The following CENPK variants were observed in gnomAD, a reference collection of about 807,000 sequenced individuals.
CENPK encodes SoxLZ/Sox6-binding protein Solt.
A neutral mutation model predicts 40.9 loss-of-function variants in CENPK; 46 were observed. That is an observed-to-expected ratio of 1.13 (90% CI 0.89 to 1.44). CENPK has a LOEUF of 1.44. CENPK is among the 40% of genes most tolerant of loss of function. The pLI is 0.00. For missense variants in CENPK, 288 were observed against 303.5 expected (o/e 0.95, Z 0.38); for synonymous variants, 107 against 104.4 (o/e 1.02, Z -0.15).
At chr5:65,515,565 G>A (rs1742801557), downstream of CENPK, among the ~76,000 whole-genome samples, 1 of 152,098 alleles carries the variant, frequency 6.6e-6, no homozygotes, top group South Asian at 2.1e-4. Context: ...ATTTTCTCGA[G>A]ACTTCTTTGA....
intron 6 of CENPK, among the ~76,000 whole-genome samples, chr5:65,542,328 A>G (rs1203184999): frequency 6.6e-6 from 1 of 152,350 alleles, no homozygotes; most frequent in African/African-American, 2.4e-5. Flanking sequence ...GTTCTGATGC[A>G]AAAACCGAGT....
At chr5:65,499,993 T>G in the CENPK span, among the ~76,000 whole-genome samples, 5 of 83,104 alleles carry the variant, frequency 6.0e-5, no homozygotes, top group Non-Finnish European at 1.3e-4. Flanking sequence ...ACAAAGGACA[T>G]GAACTCATCA....
chr5:65,529,227 C>T (rs1447878053), intron 6 of CENPK, 28 bp from the exon 7 acceptor site: 4 of 1,467,308 alleles, frequency 2.7e-6, no homozygotes, highest in Non-Finnish European at 3.8e-6. Context: ...AAATTAATTG[C>T]TTGGTCTTTA....
chr5:65,553,357 CA>C (rs112109997), intron 3 of CENPK, among the ~76,000 whole-genome samples: 163 of 133,884 alleles, frequency 1.2e-3, no homozygotes, highest in Non-Finnish European at 1.0e-3. Context: ...GCTGATCAGC[CA>C]AAAAAAAAAA....
the CENPK span, among the ~76,000 whole-genome samples, chr5:65,507,272 G>C: frequency 6.6e-6 from 1 of 151,972 alleles, no homozygotes; most frequent in South Asian, 2.1e-4. Context: ...TTTCTCCAAA[G>C]TTCCTCAGAA....
At chr5:65,526,924 C>A (rs1744806363) in intron 9 of CENPK, among the ~76,000 whole-genome samples, 1 of 152,062 alleles carries the variant, frequency 6.6e-6, no homozygotes, top group Admixed American at 6.5e-5. Context: ...GAAACCCTGT[C>A]TACTAGAAAT....
At position 65,518,438 on chromosome 5, in the gene CENPK, T is replaced by C; in HGVS notation, c.*37A>G. Reference sequence around the variant, plus strand: ...CTGTGGTTCCAATATCCTTGAATGATAAGAATTTTTACTGTGTGAAAAAAG... The same window carrying C: ...CTGTGGTTCCAATATCCTTGAATGACAAGAATTTTTACTGTGTGAAAAAAG... On this transcript the variant is annotated 3_prime_UTR_variant, in exon 11 of 11. Coordinates refer to ENST00000396679, the MANE Select transcript of CENPK (RefSeq NM_022145.5). 1 of 1,581,196 alleles carries C rather than the reference T, an allele frequency of 6.3e-7. No homozygotes were observed. Among genetic ancestry groups the C allele is most frequent in the South Asian group, 1.2e-5 (1 of 85,710 alleles).
intron 6 of CENPK, chr5:65,529,701 T>C (rs556701731): frequency 6.5e-5 from 10 of 153,178 alleles, no homozygotes; most frequent in African/African-American, 2.2e-4. Context: ...TTAGCCAGGA[T>C]GGTCTCGATG....
chr5:65,500,053 T>G, the CENPK span, among the ~76,000 whole-genome samples: 6 of 57,324 alleles, frequency 1.0e-4, no homozygotes, highest in Admixed American at 1.1e-3. Context: ...CACATTTTCT[T>G]AATCCAGTCT....
intron 3 of CENPK, among the ~76,000 whole-genome samples, chr5:65,553,667 A>G (rs1377146489): frequency 6.6e-6 from 1 of 152,132 alleles, no homozygotes; most frequent in Non-Finnish European, 1.5e-5. Context: ...CCTGAAACTA[A>G]CCATATTTCC....
intron 2 of CENPK, chr5:65,560,955 G>C (rs1293897539): frequency 1.3e-5 from 2 of 152,064 alleles, no homozygotes; most frequent in Non-Finnish European, 2.9e-5. Flanking sequence ...AGACTATACA[G>C]GTTTAAATCT....
At position 65,562,852 on chromosome 5, in the gene CENPK, T is replaced by C. The variant is rs542167371; in HGVS notation, c.-142+246A>G. 25 of 156,046 alleles carry C rather than the reference T, an allele frequency of 1.6e-4. 1 individual carries two copies. In the South Asian group the frequency reaches 1.9e-3, roughly 12 times the overall value. 9.7% of individuals were successfully genotyped at this position (156,046 alleles called of 1,614,324 possible). A position where few individuals can be genotyped will look rare whatever the true frequency, so the allele number is the denominator to read the frequency against. Reference sequence around the variant, plus strand: ...AGAATAAAGGTCAGGAGAGAAAACATGTTTAGTGCATCTGAAAGGAAACCC... The same window carrying C: ...AGAATAAAGGTCAGGAGAGAAAACACGTTTAGTGCATCTGAAAGGAAACCC... On this transcript the variant is annotated intron_variant, in intron 1 of 10. Coordinates refer to ENST00000396679, the MANE Select transcript of CENPK (RefSeq NM_022145.5).
At chr5:65,550,688 G>A (rs1749819791) in intron 5 of CENPK, 1 of 152,196 alleles carries the variant, frequency 6.6e-6, no homozygotes, top group South Asian at 2.1e-4. Context: ...TCTGCAAAGT[G>A]CAATAAAGTG....
intron 9 of CENPK, among the ~76,000 whole-genome samples, chr5:65,527,940 T>C (rs991242486): frequency 2.0e-5 from 3 of 152,154 alleles, no homozygotes; most frequent in Admixed American, 2.0e-4. Context: ...ATAAGAAATA[T>C]ACTCTGGCTG....
chr5:65,548,558 T>C (rs1581054334), intron 5 of CENPK, among the ~76,000 whole-genome samples: 2 of 151,846 alleles, frequency 1.3e-5, no homozygotes, highest in East Asian at 3.9e-4. Flanking sequence ...TGCTGTTTGA[T>C]AGCATTTTAC....
At chr5:65,526,674 C>A (rs1391523477) in intron 9 of CENPK, among the ~76,000 whole-genome samples, 1 of 152,128 alleles carries the variant, frequency 6.6e-6, no homozygotes, top group Non-Finnish European at 1.5e-5. Flanking sequence ...AAAAGGACAC[C>A]TAGAGCCAGA....
chr5:65,519,707 T>C (rs1032657016), intron 10 of CENPK, among the ~76,000 whole-genome samples: 2 of 152,224 alleles, frequency 1.3e-5, no homozygotes, highest in African/African-American at 2.4e-5. Flanking sequence ...AATAATACCT[T>C]AGTTCTTGAA....
At chr5:65,503,711 G>A in the CENPK span, among the ~76,000 whole-genome samples, 1 of 150,608 alleles carries the variant, frequency 6.6e-6, no homozygotes, top group Admixed American at 6.6e-5. Context: ...AGGCTGGAGT[G>A]CAGTGGCTTG....
downstream of CENPK, among the ~76,000 whole-genome samples, chr5:65,515,204 A>AT (rs1554102335): frequency 0.014 from 1,759 of 124,060 alleles, 75 homozygotes; most frequent in African/African-American, 0.047. Flanking sequence ...TCTCAAAAAA[A>AT]TTTTTTTTTT....
Sources: allele counts gnomAD v4.1 joint callset (sites outside exome capture counted in the v4.1 genomes callset), GRCh38; gene constraint gnomAD v4.1.1; transcripts MANE v1.5; gene names NCBI Gene and HGNC (gene_info 2026-07-23, HGNC 2026-07-21).